SELENOI: variants seen among roughly 807,000 people sequenced by gnomAD.
The protein encoded by SELENOI is ethanolaminephosphotransferase 1.
A neutral mutation model predicts 50.7 loss-of-function variants in SELENOI; 24 were observed. The observed-to-expected ratio is 0.47, with a 90% CI of 0.34 to 0.67. The LOEUF is 0.67. SELENOI is among the 30% of genes least tolerant of loss of function. SELENOI has a pLI of 0.01. For missense variants in SELENOI, 352 were observed against 461.4 expected (o/e 0.76, Z 2.17); for synonymous variants, 155 against 170.2 (o/e 0.91, Z 0.70).
At chr2:26,388,332 G>T (rs1283873169) in intron 9 of SELENOI, among the ~76,000 whole-genome samples, 2 of 152,084 alleles carry the variant, frequency 1.3e-5, no homozygotes, top group South Asian at 4.2e-4. Flanking sequence ...AATGATAAAG[G>T]TACTACATTT....
intron 4 of SELENOI, among the ~76,000 whole-genome samples, chr2:26,368,186 A>G (rs1018431949): frequency 3.9e-5 from 6 of 152,244 alleles, no homozygotes; most frequent in Non-Finnish European, 8.8e-5. Context: ...TGCTGACCAG[A>G]GCTGCAAGAG....
At chr2:26,369,893 G>T (rs1042290703) in intron 4 of SELENOI, among the ~76,000 whole-genome samples, 1 of 151,802 alleles carries the variant, frequency 6.6e-6, no homozygotes, top group Non-Finnish European at 1.5e-5. Flanking sequence ...TCATTCTTGG[G>T]TGTTTCTCAC....
rs550356977 is a variant in SELENOI, at chr2:26,379,716, A to G, written c.683-3583A>G. 2.0e-5 allele frequency among the ~76,000 whole-genome samples: 3 copies of G among 152,322 alleles called. No homozygotes were observed. In the South Asian group the frequency reaches 6.2e-4, roughly 32 times the overall value. The stretch of plus-strand genomic sequence containing the variant: ...GCTTAGGAATTCATTCATTCAGTGG[A>G]TAGGTAAGGAAATCAAGTTTTTATG... On this transcript the variant is annotated intron_variant, in intron 6 of 9. Coordinates refer to ENST00000260585, the MANE Select transcript of SELENOI (RefSeq NM_033505.4).
chr2:26,376,913 T>C (rs1159976519), intron 6 of SELENOI, among the ~76,000 whole-genome samples: 1 of 152,254 alleles, frequency 6.6e-6, no homozygotes, highest in Admixed American at 6.5e-5. Context: ...AATGTATTAT[T>C]TTTCTCTTGT....
At chr2:26,347,785 TCTC>T (rs1203352559) in intron 1 of SELENOI, among the ~76,000 whole-genome samples, 1 of 152,162 alleles carries the variant, frequency 6.6e-6, no homozygotes, top group East Asian at 1.9e-4. Flanking sequence ...TAATAGGAAA[TCTC>T]CTTTTTCTTA....
At position 26,395,554 on chromosome 2, in the gene SELENOI, G is replaced by C. The variant is rs1678072456; in HGVS notation, c.*6451G>C. On this transcript the variant is annotated 3_prime_UTR_variant, in exon 10 of 10. Coordinates refer to ENST00000260585, the MANE Select transcript of SELENOI (RefSeq NM_033505.4). ...CTGGGGGAGAACTCTAACTGTTGCA[G>C]AAACAGAGCTTCATGGCTTGCTTAA... 1 of 152,738 alleles carries C rather than the reference G, an allele frequency of 6.5e-6. No individual in the cohort carries two copies. The highest frequency in any genetic ancestry group is 2.4e-5 in the African/African-American group (1 of 41,436). The allele number at this position is 152,738 out of a possible 1,614,324, so 9.5% of individuals were successfully genotyped here.
rs139974471 is a variant in SELENOI at position 26,347,055 on chromosome 2, T to C, written c.57+766T>C. Among the ~76,000 whole-genome samples the C allele has an allele frequency of 2.1e-3, 326 of 152,288 alleles. 1 individual carries two copies. The highest frequency in any genetic ancestry group is 7.4e-3 in the African/African-American group (308 of 41,556). On this transcript the variant is annotated intron_variant, in intron 1 of 9. Coordinates refer to ENST00000260585, the MANE Select transcript of SELENOI (RefSeq NM_033505.4). ...AGTAAATAAATGCGGGTGGTTAACTTTCCTCCAAATCTGGTTCCCATCCGC... is the reference window on the plus strand; with the variant it reads ...AGTAAATAAATGCGGGTGGTTAACTCTCCTCCAAATCTGGTTCCCATCCGC...
chr2:26,356,721 A>T (rs1204788572), intron 1 of SELENOI, among the ~76,000 whole-genome samples: 1 of 152,148 alleles, frequency 6.6e-6, no homozygotes, highest in Non-Finnish European at 1.5e-5. Context: ...CATCATGTTC[A>T]GAATGGTCCT....
chr2:26,348,101 A>T (rs545378653), intron 1 of SELENOI, among the ~76,000 whole-genome samples: 18 of 152,352 alleles, frequency 1.2e-4, no homozygotes, highest in African/African-American at 4.3e-4. Context: ...TTTATATTAA[A>T]ATTATGAATC....
chr2:26,375,977 A>AC (rs1677559060), intron 6 of SELENOI, among the ~76,000 whole-genome samples: 2 of 151,542 alleles, frequency 1.3e-5, no homozygotes, highest in South Asian at 4.2e-4. Context: ...TGGTGCGTGC[A>AC]CCTGTAATGC....
chr2:26,384,899 C>G (rs1476436303), intron 7 of SELENOI, 60 bp from the exon 8 acceptor site: 1 of 1,250,572 alleles, frequency 8.0e-7, no homozygotes, highest in Non-Finnish European at 1.1e-6. Context: ...AACTACAGTA[C>G]AAGTACTGTA....
intron 1 of SELENOI, among the ~76,000 whole-genome samples, chr2:26,354,495 T>G (rs909394958): frequency 5.9e-5 from 9 of 152,266 alleles, no homozygotes; most frequent in African/African-American, 1.7e-4. Context: ...CACGCTATTC[T>G]CCTTCTTCAG....
chr2:26,373,684 C>T, intron 5 of SELENOI, 55 bp downstream of exon 5: 1 of 1,544,844 alleles, frequency 6.5e-7, no homozygotes, highest in Non-Finnish European at 8.8e-7. Context: ...TTTTGGAAAG[C>T]TTTTGTCATT....
rs532255951 is a variant in SELENOI, at chr2:26,387,716, AAAAG to A, written c.1095+1188_1095+1191del. Among the ~76,000 whole-genome samples the A allele has an allele frequency of 4.0e-3, 607 of 151,892 alleles. 5 individuals carry two copies. The highest frequency in any genetic ancestry group is 0.014 in the African/African-American group (577 of 41,362). ...GTCTCAAAAAAAAAAAAAAAAAAGAAAAAGAAAGAAAAAAAATGTTGGCATAAAC... is the reference window on the plus strand; with the variant it reads ...GTCTCAAAAAAAAAAAAAAAAAAGAAAAAGAAAAAAAATGTTGGCATAAAC... On this transcript the variant is annotated intron_variant, in intron 9 of 9. Coordinates refer to ENST00000260585, the MANE Select transcript of SELENOI (RefSeq NM_033505.4).
chr2:26,388,653 A>G (rs915487370), intron 9 of SELENOI, among the ~76,000 whole-genome samples: 3 of 152,202 alleles, frequency 2.0e-5, no homozygotes, highest in South Asian at 2.1e-4. Flanking sequence ...ATGATTACTT[A>G]GAAATGTTTA....
chr2:26,370,284 C>T (rs1677387375), intron 4 of SELENOI, among the ~76,000 whole-genome samples: 2 of 151,686 alleles, frequency 1.3e-5, no homozygotes, highest in African/African-American at 4.9e-5. Flanking sequence ...GGCAACCATC[C>T]GATTTCTCAA....
At position 26,383,382 on chromosome 2, in the gene SELENOI, T is replaced by C. The variant is rs1056241901; in HGVS notation, c.731+35T>C. ...TTATTTTTTAAATGGGCAAGAAATA[T>C]GAAAAGTTTTAGCAGTTGTTAGCTG... On this transcript the variant is annotated intron_variant, in intron 7 of 9. Transcript: ENST00000260585. 3.5e-6 allele frequency: 5 copies of C among 1,438,992 alleles called. No individual in the cohort carries two copies. In the Admixed American group the frequency reaches 8.3e-5, roughly 24 times the overall value. The allele number at this position is 1,438,992 out of a possible 1,614,324, so 89.1% of individuals were successfully genotyped here. A position where few individuals can be genotyped will look rare whatever the true frequency, so the allele number is the denominator to read the frequency against.
At position 26,389,244 on chromosome 2, in the gene SELENOI, C is replaced by G. The variant is rs1456147747; in HGVS notation, c.*141C>G. 3.0e-6 allele frequency: 2 copies of G among 658,182 alleles called. No homozygotes were observed. The highest frequency in any genetic ancestry group is 5.5e-5 in the East Asian group (2 of 36,078). The allele number at this position is 658,182 out of a possible 1,614,324, so 40.8% of individuals were successfully genotyped here. ...GGACAGCAGGAATGATACATATAAT[C>G]TGAACTTGGGAAATTTTGGACCTAC... On this transcript the variant is annotated 3_prime_UTR_variant, in exon 10 of 10. Coordinates refer to ENST00000260585, the MANE Select transcript of SELENOI (RefSeq NM_033505.4).
At chr2:26,370,884 C>T (rs1241720939) in intron 4 of SELENOI, among the ~76,000 whole-genome samples, 3 of 126,694 alleles carry the variant, frequency 2.4e-5, no homozygotes, top group Non-Finnish European at 5.0e-5. Context: ...GGGGGGCTGA[C>T]ACCCCCACCT....
Sources: gnomAD v4.1 joint callset for allele counts (sites outside exome capture counted in the v4.1 genomes callset) on GRCh38, gnomAD v4.1.1 for gene constraint, MANE v1.5 for transcripts, NCBI Gene and HGNC (gene_info 2026-07-23, HGNC 2026-07-21) for gene names.